Variants in FRMD4B observed in about 807,000 individuals in gnomAD.
FRMD4B encodes the protein FERM domain containing 4B.
A neutral mutation model predicts 141.5 loss-of-function variants in FRMD4B; 74 were observed. That is an observed-to-expected ratio of 0.52 (90% CI 0.43 to 0.63). The LOEUF (loss-of-function observed/expected upper bound fraction) is 0.63. FRMD4B is among the 30% of genes least tolerant of loss of function. The probability of loss-of-function intolerance (pLI) is 0.00; values close to 1 mark genes in which losing one functional copy is unlikely to be tolerated. For missense variants in FRMD4B, 1,366 were observed against 1,253.4 expected, an observed-to-expected ratio of 1.09 and a Z score of -1.36; for synonymous variants, 506 against 467.9, an observed-to-expected ratio of 1.08 and a Z score of -1.05.
Position 69,495,880 on chromosome 3 carries a change from C to T in FRMD4B, c.-129+46326G>A, listed in dbSNP as rs74430603. Among the ~76,000 whole-genome samples, 1,339 of 152,228 alleles carry T rather than the reference C, an allele frequency of 8.8e-3. 25 individuals carry two copies. The highest frequency in any genetic ancestry group is 0.03 in the African/African-American group (1,264 of 41,524). Reference sequence around the variant, plus strand: ...GGGCCATCATTTTATCTAAAATTTACTAGTAATTCACTAAACAGATTTCCC... The same window carrying T: ...GGGCCATCATTTTATCTAAAATTTATTAGTAATTCACTAAACAGATTTCCC... On this transcript the variant is annotated intron_variant, in intron 1 of 5. Coordinates refer to the FRMD4B transcript ENST00000459638.
chr3:69,198,921 T>G (rs944957082), intron 11 of FRMD4B, 147 bp from the exon 12 acceptor site: 1 of 617,434 alleles, frequency 1.6e-6, no homozygotes, highest in African/African-American at 1.9e-5. Flanking sequence ...TTTTTACAAA[T>G]CAACTATGAC....
intron 1 of FRMD4B, among the ~76,000 whole-genome samples, chr3:69,509,687 T>C (rs1706658837): frequency 6.6e-6 from 1 of 152,150 alleles, no homozygotes; most frequent in Admixed American, 6.5e-5. Context: ...TATGTCATTT[T>C]ATTGCACTTC....
chr3:69,449,851 C>T (rs1705467979), intron 1 of FRMD4B, among the ~76,000 whole-genome samples: 1 of 152,174 alleles, frequency 6.6e-6, no homozygotes, highest in Admixed American at 6.5e-5. Context: ...TTGTTAATCT[C>T]CATACTTTAA....
At chr3:69,282,946 A>T (rs1249433974) in intron 5 of FRMD4B, among the ~76,000 whole-genome samples, 1 of 152,128 alleles carries the variant, frequency 6.6e-6, no homozygotes, top group East Asian at 1.9e-4. Context: ...CATCTGCATA[A>T]TAATTAGATA....
intron 1 of FRMD4B, among the ~76,000 whole-genome samples, chr3:69,491,697 A>G (rs1706303344): frequency 6.6e-6 from 1 of 152,204 alleles, no homozygotes; most frequent in Non-Finnish European, 1.5e-5. Flanking sequence ...AAAATGTCAA[A>G]AGGCTTTCAC....
chr3:69,170,419 C>G lies in FRMD4B; in HGVS notation c.*1442G>C, dbSNP rs1212434061. 6.6e-6 allele frequency: 1 copy of G among 150,800 alleles called. No homozygotes were observed. Among genetic ancestry groups the G allele is most frequent in the Non-Finnish European group, 1.5e-5 (1 of 67,670 alleles). The allele number at this position is 150,800 out of a possible 1,614,324, so 9.3% of individuals were successfully genotyped here. ...GAATAAGTTATTTTTTTTTGCTTGT[C>G]TTTTTTCCAAAATTTTTTCCCAAAC... On this transcript the variant is annotated 3_prime_UTR_variant, in exon 23 of 23. Transcript: ENST00000398540.
chr3:69,396,163 C>T (rs1051542793), intron 2 of FRMD4B, among the ~76,000 whole-genome samples: 13 of 152,146 alleles, frequency 8.5e-5, no homozygotes, highest in African/African-American at 2.9e-4. Context: ...AGGGAAGGCA[C>T]AACACCCAAC....
upstream of FRMD4B, chr3:69,386,140 T>TG (rs1391027352): frequency 1.4e-6 from 1 of 699,864 alleles, no homozygotes; most frequent in Non-Finnish European, 2.3e-6. Context: ...CCGTGCGTCC[T>TG]GGCCAGGCTC....
At chr3:69,435,496 G>A (rs527921848) in intron 1 of FRMD4B, among the ~76,000 whole-genome samples, 1 of 152,272 alleles carries the variant, frequency 6.6e-6, no homozygotes, top group South Asian at 2.1e-4. Flanking sequence ...TTGGCACACA[G>A]CCATGTCTAT....
chr3:69,429,351 T>C (rs1367744373), intron 2 of FRMD4B, among the ~76,000 whole-genome samples: 1 of 152,236 alleles, frequency 6.6e-6, no homozygotes, highest in Admixed American at 6.5e-5. Context: ...TCTAAAAATA[T>C]TGCCCCTACT....
chr3:69,176,696 A>G (rs1455352707), intron 21 of FRMD4B, 40 bp from the exon 22 acceptor site: 29 of 1,442,110 alleles, frequency 2.0e-5, no homozygotes, highest in Non-Finnish European at 2.8e-5. Context: ...TAATGGAAAT[A>G]TTAAAAGTGA....
chr3:69,246,224 C>T (rs976919844), intron 7 of FRMD4B, among the ~76,000 whole-genome samples: 1 of 152,090 alleles, frequency 6.6e-6, no homozygotes, highest in Non-Finnish European at 1.5e-5. Context: ...GGGAGGCCAA[C>T]ATAGGCAGAT....
chr3:69,302,802 G>A (rs1403006217), intron 3 of FRMD4B, among the ~76,000 whole-genome samples: 1 of 152,242 alleles, frequency 6.6e-6, no homozygotes, highest in Non-Finnish European at 1.5e-5. Context: ...GGCAGGCACA[G>A]TGGCTCATGC....
intron 1 of FRMD4B, chr3:69,542,118 C>A (rs1420640439): frequency 6.6e-6 from 1 of 151,948 alleles, no homozygotes; most frequent in Non-Finnish European, 1.5e-5. Flanking sequence ...CGCGCTGCGC[C>A]CGGGGCGCAC....
In FRMD4B at chr3:69,173,414, A is replaced by T. The variant is rs536344456; in HGVS notation, c.2985-1433T>A. ...TCTTTAAATAATATACACTTTATTTAAAAAAACAACAAAACACTAATATAT... is the reference window on the plus strand; with the variant it reads ...TCTTTAAATAATATACACTTTATTTTAAAAAACAACAAAACACTAATATAT... On this transcript the variant is annotated intron_variant, in intron 22 of 22. Transcript: ENST00000398540. Among the ~76,000 whole-genome samples the T allele has an allele frequency of 1.2e-4, 18 of 152,288 alleles. 1 individual carries two copies. The South Asian group carries it at 2.9e-3, about 25-fold the overall frequency.
Position 69,351,079 on chromosome 3 carries a change from G to GA in FRMD4B, c.162+34748dup, listed in dbSNP as rs1225498732. ...CTGATCTACAAAAGCTTCCTTTAAG[G>GA]AAAAAAAAAGCAACTGAAGTATACA... On this transcript the variant is annotated intron_variant, in intron 1 of 22. Transcript: ENST00000398540. Among the ~76,000 whole-genome samples the GA allele has an allele frequency of 4.3e-4, 64 of 150,122 alleles. No individual in the cohort carries two copies. The South Asian group carries it at 8.5e-3, about 20-fold the overall frequency.
At chr3:69,214,842 A>G (rs1412665674) in intron 11 of FRMD4B, among the ~76,000 whole-genome samples, 1 of 151,634 alleles carries the variant, frequency 6.6e-6, no homozygotes, top group East Asian at 2.0e-4. Flanking sequence ...AGCCAAGGGA[A>G]CACAGCGAGA....
chr3:69,253,848 G>A (rs2093477611), intron 5 of FRMD4B, among the ~76,000 whole-genome samples: 1 of 152,184 alleles, frequency 6.6e-6, no homozygotes, highest in Non-Finnish European at 1.5e-5. Flanking sequence ...AGCACTTTGG[G>A]AGGCTGAGGT....
At chr3:69,286,810 T>C (rs1304824365) in intron 5 of FRMD4B, among the ~76,000 whole-genome samples, 1 of 152,216 alleles carries the variant, frequency 6.6e-6, no homozygotes, top group African/African-American at 2.4e-5. Flanking sequence ...TTTTTTGTTT[T>C]ATTCTTGTTT....
Sources: allele counts gnomAD v4.1 joint callset (sites outside exome capture counted in the v4.1 genomes callset), GRCh38; gene constraint gnomAD v4.1.1; transcripts MANE v1.5; gene names NCBI Gene and HGNC (gene_info 2026-07-23, HGNC 2026-07-21).